Variants in CSF3R observed in about 807,000 individuals in gnomAD.
CSF3R encodes granulocyte colony-stimulating factor receptor.
In CSF3R, 52 loss-of-function variants were observed where a neutral mutation model predicts 84.4. The ratio of observed to expected loss-of-function variants is 0.62; its 90% CI spans 0.49 to 0.78. CSF3R has a LOEUF of 0.78. Ranked by LOEUF, CSF3R falls within the 30% of genes least tolerant of loss-of-function variation. The pLI is 0.00. For synonymous variants in CSF3R, 384 were observed against 429.1 expected (o/e 0.89, Z 1.30); for missense variants, 890 against 1,055.7 (o/e 0.84, Z 2.17).
intron 3 of CSF3R, among the ~76,000 whole-genome samples, chr1:36,478,363 T>C (rs1651298224): frequency 6.6e-6 from 1 of 151,592 alleles, no homozygotes; most frequent in South Asian, 2.1e-4. Flanking sequence ...ACCCCATCTC[T>C]AGTAAAAATA....
chr1:36,472,638 G>T lies in CSF3R; in HGVS notation c.722C>A (p.Ala241Glu). The stretch of plus-strand genomic sequence containing the variant: ...TAGGCAGCCTGCCTGGGGAGGGGCC[G>T]CTTCAGGGCTGGGGTCCATGGTCCG... ...MLRTMDPSPE[A>E]APPQAGCLQL... The change falls in exon 7 of 17, where the codon GCG becomes GAG. Residue 241 changes from alanine (A) to glutamate (E), a missense_variant. Ala to Glu is a moderately radical substitution (Grantham distance 107). Coordinates refer to ENST00000373106, the MANE Select transcript of CSF3R (RefSeq NM_000760.4). The surrounding 1 kb of genome is among the most constrained non-coding windows in gnomAD (Gnocchi z 5.0). 2.5e-6 allele frequency: 4 copies of T among 1,611,244 alleles called. No homozygotes were observed. The South Asian group carries it at 4.4e-5, about 18-fold the overall frequency.
At position 36,471,338 on chromosome 1, in the gene CSF3R, C is replaced by T. The variant is rs3917982; in HGVS notation, c.1285+95G>A. On this transcript the variant is annotated intron_variant, in intron 10 of 16. Transcript: ENST00000373106. ...CTGGGATTACAGGCGTGAGCCACTG[C>T]GCCCGGCCAATAGGACTAGATTTAA... 0.02 allele frequency: 25,300 copies of T among 1,260,838 alleles called. 943 individuals carry two copies. The highest frequency in any genetic ancestry group is 0.15 in the African/African-American group (10,494 of 68,074). 78.1% of individuals were successfully genotyped at this position (1,260,838 alleles called of 1,614,324 possible). A position where few individuals can be genotyped will look rare whatever the true frequency, so the allele number is the denominator to read the frequency against.
chr1:36,476,803 G>A (rs2124142220), intron 3 of CSF3R, among the ~76,000 whole-genome samples: 1 of 152,024 alleles, frequency 6.6e-6, no homozygotes, highest in South Asian at 2.1e-4. Flanking sequence ...TGGGACTACA[G>A]GTTCATGCCA....
intron 3 of CSF3R, 173 bp from the exon 4 acceptor site, chr1:36,475,846 G>A (rs1651113923): frequency 1.6e-6 from 1 of 630,906 alleles, no homozygotes; most frequent in Non-Finnish European, 2.7e-6. Flanking sequence ...CTACGGGGGT[G>A]ACACAGAGAT....
intron 10 of CSF3R, among the ~76,000 whole-genome samples, chr1:36,470,563 A>G (rs571480502): frequency 1.4e-4 from 21 of 152,360 alleles, no homozygotes; most frequent in African/African-American, 5.0e-4. Context: ...TTTACTAATG[A>G]GAAAACTGAG....
chr1:36,481,270 G>A (rs1044122430), intron 2 of CSF3R, among the ~76,000 whole-genome samples: 2 of 152,176 alleles, frequency 1.3e-5, no homozygotes, highest in East Asian at 1.9e-4. Flanking sequence ...AAGAGGCCCC[G>A]GCATCCTTCC....
chr1:36,466,795 T>C lies in CSF3R; in HGVS notation c.2073A>G (p.Pro691=). 1 of 1,614,104 alleles carries C rather than the reference T, an allele frequency of 6.2e-7. No homozygotes were observed. The highest frequency in any genetic ancestry group is 8.5e-7 in the Non-Finnish European group (1 of 1,180,010). ...CCAGCACTGTGAGCTTGGTGATGGG[T>C]GGCGTGCCAAGGCCGGGCAGCTGGA... ...DAFQLPGLGT[P]PITKLTVLEE... is the part of the protein sequence containing the mutation. Residue 691 remains proline (P), a synonymous_variant, in exon 17 of 17, where the codon CCA becomes CCG. Transcript: ENST00000373106. This position sits in a 1 kb window ranked among gnomAD's most constrained non-coding sequence, Gnocchi z 4.6.
chr1:36,471,377 G>A, intron 10 of CSF3R, 56 bp downstream of exon 10: 1 of 1,535,078 alleles, frequency 6.5e-7, no homozygotes. Flanking sequence ...AGGCAGTCTA[G>A]CCTTTGAATT....
rs1160591484 is a variant in CSF3R, at chr1:36,471,965, A to G, written c.1071+101T>C. On this transcript the variant is annotated intron_variant, in intron 9 of 16. Transcript: ENST00000373106. The stretch of plus-strand genomic sequence containing the variant: ...ATGCAAATCACATATAAATGCGTCC[A>G]CGCCTCCCAGACCTGTTGGAGTCCT... 15 of 1,195,162 alleles carry G rather than the reference A, an allele frequency of 1.3e-5. No homozygotes were observed. In the Admixed American group the frequency reaches 2.8e-4, roughly 22 times the overall value. The allele number at this position is 1,195,162 out of a possible 1,614,324, so 74.0% of individuals were successfully genotyped here. A position where few individuals can be genotyped will look rare whatever the true frequency, so the allele number is the denominator to read the frequency against.
chr1:36,482,631 T>C lies in CSF3R; in HGVS notation c.-81+180A>G, dbSNP rs181338376. 4.5e-3 allele frequency among the ~76,000 whole-genome samples: 689 copies of C among 152,096 alleles called. 2 individuals carry two copies. The highest frequency in any genetic ancestry group is 7.4e-3 in the Non-Finnish European group (503 of 67,958). On this transcript the variant is annotated intron_variant, in intron 1 of 16. Coordinates refer to ENST00000373106, the MANE Select transcript of CSF3R (RefSeq NM_000760.4). ...TTCCCTGGTGCAATACCCCCAAAAG[T>C]AGGGGCATCCTGTGAAAAGAGACTC... is the stretch of plus-strand genomic sequence containing the variant.
At chr1:36,473,148 A>C in intron 6 of CSF3R, 1 of 464,102 alleles carries the variant, frequency 2.2e-6, no homozygotes, top group Non-Finnish European at 3.8e-6. Flanking sequence ...GATGCTTTGT[A>C]TCCCCAGTAC....
At position 36,475,362 on chromosome 1, in the gene CSF3R, G is replaced by A. The variant is rs778396398; in HGVS notation, c.361+15C>T. 49 of 1,613,172 alleles carry A rather than the reference G, an allele frequency of 3.0e-5. No homozygotes were observed. Among genetic ancestry groups the A allele is most frequent in the Non-Finnish European group, 4.1e-5 (48 of 1,179,988 alleles). ...GTGTTGGAGGCAGAGTAGTTGGATG[G>A]CTGGAAGGACTTACAGCCTGCGCGC... On this transcript the variant is annotated intron_variant, in intron 4 of 16. Transcript: ENST00000373106.
At position 36,472,346 on chromosome 1, in the gene CSF3R, G is replaced by A. The variant is rs374083265; in HGVS notation, c.889C>T (p.Leu297Phe). The A allele has an allele frequency of 1.2e-6, 2 of 1,614,148 alleles. No homozygotes were observed. The highest frequency in any genetic ancestry group is 2.2e-5 in the South Asian group (2 of 91,084). The change falls in exon 8 of 17, where the codon CTC (leucine) becomes TTC (phenylalanine). Residue 297 changes from leucine to phenylalanine, a missense_variant. By Grantham distance (22) the Leu-to-Phe change is conservative. Transcript: ENST00000373106. The surrounding 1 kb of genome is among the most constrained non-coding windows in gnomAD (Gnocchi z 5.0). ...LEALQYELCG[L>F]LPATAYTLQI... is the part of the protein sequence containing the mutation. ...AGGGTGTAGGCCGTGGCTGGGAGGA[G>A]CCCGCAGAGCTCATACTGAAGGGCC...
At position 36,466,573 on chromosome 1, in the gene CSF3R, C is replaced by T; in HGVS notation, c.2295G>A (p.Gly765=). 1 of 1,610,968 alleles carries T rather than the reference C, an allele frequency of 6.2e-7. No individual in the cohort carries two copies. Among genetic ancestry groups the T allele is most frequent in the East Asian group, 2.2e-5 (1 of 44,806 alleles). ...LLGSPTSPGP[G]HYLRCDSTQP... ...GAGTGGAGTCACAGCGGAGATAGTG[C>T]CCTGGCCCTGGGCTTGTGGGGCTGC... is the stretch of plus-strand genomic sequence containing the variant. The change falls in exon 17 of 17, where the codon GGG becomes GGA. Residue 765 remains glycine (G), a synonymous_variant. Coordinates refer to ENST00000373106, the MANE Select transcript of CSF3R (RefSeq NM_000760.4). This position sits in a 1 kb window ranked among gnomAD's most constrained non-coding sequence, Gnocchi z 4.6.
rs778672373 is a variant in CSF3R, at chr1:36,473,549, A to C, written c.559T>G (p.Cys187Gly). The C allele has an allele frequency of 6.2e-6, 10 of 1,614,100 alleles. No individual in the cohort carries two copies. In the African/African-American group the frequency reaches 1.3e-4, roughly 22 times the overall value. The change falls in exon 6 of 17, where the codon TGC becomes GGC. Residue 187 changes from cysteine to glycine, a missense_variant. Physicochemically the swap from Cys to Gly is radical, Grantham distance 159 (BLOSUM62 -3). Transcript: ENST00000373106. Reference sequence around the variant, plus strand: ...AACAGCAGGTGTTTGCGTGGGATGCAGCAGTGGCTCTGCCCGTCCTTGGGC... The same window carrying C: ...AACAGCAGGTGTTTGCGTGGGATGCCGCAGTGGCTCTGCCCGTCCTTGGGC... ...CVPKDGQSHCCIPRKHLLLYQ... is the reference protein window; with the variant it reads ...CVPKDGQSHCGIPRKHLLLYQ...
In CSF3R at chr1:36,467,370, TG is replaced by T; in HGVS notation, c.1959-60del. The T allele has an allele frequency of 6.4e-7, 1 of 1,569,316 alleles. No individual in the cohort carries two copies. Among genetic ancestry groups the T allele is most frequent in the Admixed American group, 1.7e-5 (1 of 59,974 alleles). ...CACACCCTCCGATCTTTCCATTTTT[TG>T]TCCCACCCACCCCACCTGAAGAGGT... On this transcript the variant is annotated intron_variant, in intron 15 of 16. Transcript: ENST00000373106. The surrounding 1 kb of genome is among the most constrained non-coding windows in gnomAD (Gnocchi z 4.1).
Position 36,467,830 on chromosome 1 carries a change from A to G in CSF3R, c.1856T>C (p.Leu619Ser), listed in dbSNP as rs141619366. ...CCCCCGTCTCCCCTTACCTGGGGTC[A>G]AGGTCATCAGGGTGAGGACTGTACT... ...TNSTVLTLMT[L>S]TPEGSELHII... Residue 619 changes from leucine to serine, a missense_variant, in exon 14 of 17, where the codon TTG becomes TCG. Coordinates refer to ENST00000373106, the MANE Select transcript of CSF3R (RefSeq NM_000760.4). This position sits in a 1 kb window ranked among gnomAD's most constrained non-coding sequence, Gnocchi z 4.1. 323 of 1,614,248 alleles carry G rather than the reference A, an allele frequency of 2.0e-4. No homozygotes were observed. The African/African-American group carries it at 3.7e-3, about 19-fold the overall frequency.
rs2124112024 is a variant in CSF3R, at chr1:36,469,814, T to C, written c.1312A>G (p.Met438Val). The C allele has an allele frequency of 6.2e-7, 1 of 1,614,032 alleles. No individual in the cohort carries two copies. The highest frequency in any genetic ancestry group is 1.3e-5 in the African/African-American group (1 of 75,032). ...RGPALTRLHA[M>V]ARDPHSLWVG... ...CAGAGGCTGTGAGGGTCTCGGGCCA[T>C]GGCATGGAGTCTGGTCAGAGCTGGG... The change falls in exon 11 of 17, where the codon ATG becomes GTG. Residue 438 changes from methionine to valine, a missense_variant. Met to Val is a conservative substitution (Grantham distance 21). Transcript: ENST00000373106.
In CSF3R at chr1:36,473,446, G is replaced by C; in HGVS notation, c.662C>G (p.Pro221Arg). Residue 221 changes from proline to arginine, a missense_variant, in exon 6 of 17, where the codon CCC (proline) becomes CGC (arginine). Coordinates refer to ENST00000373106, the MANE Select transcript of CSF3R (RefSeq NM_000760.4). Reference protein sequence around the residue: ...TSMSPQLCLDPMDVVKLEPPM... With the variant: ...TSMSPQLCLDRMDVVKLEPPM... ...CCTGCATCACCCACCAACATCCATG[G>C]GATCAAGACACAGTTGTGGGGACAT... 6.2e-7 allele frequency: 1 copy of C among 1,613,780 alleles called. No homozygotes were observed. The highest frequency in any genetic ancestry group is 2.2e-5 in the East Asian group (1 of 44,868).
Sources: allele counts gnomAD v4.1 joint callset (sites outside exome capture counted in the v4.1 genomes callset), GRCh38; gene constraint gnomAD v4.1.1; non-coding constraint Gnocchi (gnomAD v3.1); transcripts MANE v1.5; gene names NCBI Gene and HGNC (gene_info 2026-07-23, HGNC 2026-07-21).